SANBR: variants seen among roughly 807,000 people sequenced by gnomAD.
The protein encoded by SANBR is SANT and BTB domain regulator of CSR.
Under a neutral mutation model 101.8 loss-of-function variants are expected in SANBR, and 77 were observed. The ratio of observed to expected loss-of-function variants is 0.76; its 90% CI spans 0.63 to 0.91. SANBR has a LOEUF of 0.91. Among genes scored for constraint, SANBR ranks in the 40% least tolerant of loss-of-function variants. The pLI is 0.00. For synonymous variants in SANBR, 279 were observed against 274.7 expected, an observed-to-expected ratio of 1.02 and a Z score of -0.15; for missense variants, 875 against 853.0, an observed-to-expected ratio of 1.03 and a Z score of -0.32.
At chr2:61,106,493 A>T (rs1179045366) in intron 13 of SANBR, 70 bp from the exon 14 acceptor site, 4 of 1,048,204 alleles carry the variant, frequency 3.8e-6, no homozygotes, top group Non-Finnish European at 5.8e-6. Context: ...CATTTGTAAT[A>T]AAAAGATATT....
rs1682890331 is a variant in SANBR at position 61,093,707 on chromosome 2, C to T, written c.1212+1120C>T. 4.6e-5 allele frequency among the ~76,000 whole-genome samples: 7 copies of T among 152,122 alleles called. No homozygotes were observed. The South Asian group carries it at 1.4e-3, about 31-fold the overall frequency. ...CACTTGTTTCCAGCCAAACTATTTT[C>T]TCTGTTGTTCTATACACTTCTATAG... On this transcript the variant is annotated intron_variant, in intron 11 of 21. Coordinates refer to ENST00000402291, the MANE Select transcript of SANBR (RefSeq NM_001129993.3).
intron 1 of SANBR, among the ~76,000 whole-genome samples, chr2:61,067,613 G>A (rs1170694638): frequency 6.6e-6 from 1 of 152,044 alleles, no homozygotes; most frequent in Non-Finnish European, 1.5e-5. Flanking sequence ...GTGCGTGCCT[G>A]TAGTCCCAGC....
At chr2:61,067,454 C>G (rs1681233567) in intron 1 of SANBR, among the ~76,000 whole-genome samples, 1 of 152,132 alleles carries the variant, frequency 6.6e-6, no homozygotes, top group African/African-American at 2.4e-5. Flanking sequence ...ATAAAACGCC[C>G]TGGCCGGGTG....
At chr2:61,130,286 C>T (rs1014138049) in intron 20 of SANBR, among the ~76,000 whole-genome samples, 3 of 151,948 alleles carry the variant, frequency 2.0e-5, no homozygotes, top group Admixed American at 6.6e-5. Context: ...CAATTGTGTG[C>T]CAATAAATTG....
intron 13 of SANBR, 100 bp from the exon 14 acceptor site, chr2:61,106,463 C>A: frequency 2.0e-4 from 123 of 600,222 alleles, no homozygotes; most frequent in Non-Finnish European, 2.2e-4. Flanking sequence ...AACTGTATTT[C>A]TAAAAAGCGA....
At chr2:61,093,994 T>C (rs1228720467) in intron 11 of SANBR, 23 of 554,844 alleles carry the variant, frequency 4.1e-5, no homozygotes, top group Non-Finnish European at 5.3e-5. Context: ...AGTTTTCCTC[T>C]CCCCAGTAAT....
intron 13 of SANBR, 23 bp from the exon 14 acceptor site, chr2:61,106,540 T>TA: frequency 1.4e-6 from 2 of 1,472,136 alleles, no homozygotes; most frequent in Middle Eastern, 1.7e-4. Flanking sequence ...CTCTTCTCCG[T>TA]AAAAATGTCT....
intron 13 of SANBR, among the ~76,000 whole-genome samples, chr2:61,104,587 C>G (rs188296207): frequency 1.0e-3 from 159 of 152,184 alleles, no homozygotes; most frequent in African/African-American, 3.7e-3. Flanking sequence ...GAGGCCCTCT[C>G]AACCAATTGA....
At chr2:61,082,941 AT>A (rs1274536659) in intron 7 of SANBR, among the ~76,000 whole-genome samples, 4 of 152,184 alleles carry the variant, frequency 2.6e-5, no homozygotes, top group African/African-American at 9.7e-5. Flanking sequence ...GTTGAAAATA[AT>A]TTTTTAGGTA....
At chr2:61,104,442 A>G (rs1683449848) in intron 13 of SANBR, among the ~76,000 whole-genome samples, 1 of 151,582 alleles carries the variant, frequency 6.6e-6, no homozygotes, top group Non-Finnish European at 1.5e-5. Flanking sequence ...AGATCGTGCC[A>G]CTGCACTCCA....
intron 21 of SANBR, 98 bp downstream of exon 21, chr2:61,121,374 T>C: frequency 2.7e-6 from 2 of 749,452 alleles, no homozygotes; most frequent in Non-Finnish European, 2.2e-6. Context: ...TCATTTGAGT[T>C]TGGTTTTATG....
chr2:61,092,531 G>A lies in SANBR; in HGVS notation c.1156G>A (p.Val386Ile), dbSNP rs751190446. 2.5e-6 allele frequency: 4 copies of A among 1,607,068 alleles called. No homozygotes were observed. Among genetic ancestry groups the A allele is most frequent in the African/African-American group, 1.3e-5 (1 of 74,712 alleles). Residue 386 changes from valine (V) to isoleucine (I), a missense_variant, in exon 11 of 22, where the codon GTA becomes ATA. Transcript: ENST00000402291. The stretch of plus-strand genomic sequence containing the variant: ...CGAAGAATTAAAATCTTGGAGAGAT[G>A]TATACTGGCGATTGTGGGGAACAAT... ...LFEELKSWRD[V>I]YWRLWGTINW... is the part of the protein sequence containing the mutation.
intron 5 of SANBR, among the ~76,000 whole-genome samples, chr2:61,076,011 A>G (rs1430838860): frequency 2.0e-5 from 3 of 151,480 alleles, no homozygotes; most frequent in African/African-American, 7.3e-5. Context: ...TTATTTATTT[A>G]GAGACGGAGT....
At position 61,079,984 on chromosome 2, in the gene SANBR, G is replaced by C. The variant is rs1263558593; in HGVS notation, c.671-1468G>C. Among the ~76,000 whole-genome samples the C allele has an allele frequency of 2.0e-5, 3 of 151,230 alleles. No homozygotes were observed. The East Asian group carries it at 5.9e-4, about 30-fold the overall frequency. On this transcript the variant is annotated intron_variant, in intron 6 of 21. Coordinates refer to ENST00000402291, the MANE Select transcript of SANBR (RefSeq NM_001129993.3). Reference sequence around the variant, plus strand: ...AGGCCGAGGCGGACGGATCACCTGAGGTCAGGAGGCAAGACTAGCCTGGCC... The same window carrying C: ...AGGCCGAGGCGGACGGATCACCTGACGTCAGGAGGCAAGACTAGCCTGGCC...
chr2:61,107,194 CAT>C (rs1394638821), intron 14 of SANBR, among the ~76,000 whole-genome samples: 7 of 150,666 alleles, frequency 4.6e-5, no homozygotes, highest in African/African-American at 1.2e-4. Flanking sequence ...AAACCCAAAA[CAT>C]AACATGGTCT....
At chr2:61,106,717 A>T in intron 14 of SANBR, 55 bp downstream of exon 14, 1 of 1,061,680 alleles carries the variant, frequency 9.4e-7, no homozygotes, top group East Asian at 2.5e-5. Context: ...AATGACATTT[A>T]ATCTTTGACA....
intron 13 of SANBR, among the ~76,000 whole-genome samples, chr2:61,104,240 T>G (rs1683431740): frequency 1.3e-5 from 2 of 152,106 alleles, no homozygotes; most frequent in Non-Finnish European, 2.9e-5. Flanking sequence ...CCCAGCACTT[T>G]CGGAGGCCAA....
At chr2:61,107,990 A>G (rs767228991) in intron 14 of SANBR, among the ~76,000 whole-genome samples, 1 of 152,230 alleles carries the variant, frequency 6.6e-6, no homozygotes, top group Non-Finnish European at 1.5e-5. Context: ...CTTAATTTAT[A>G]TTAAAATATA....
chr2:61,116,091 G>GT, intron 17 of SANBR, 21 bp downstream of exon 17: 1 of 1,503,648 alleles, frequency 6.7e-7, no homozygotes, highest in Middle Eastern at 1.7e-4. Flanking sequence ...ATTATCTGTT[G>GT]TTAAAGTTCA....
Sources: gnomAD v4.1 joint callset for allele counts (sites outside exome capture counted in the v4.1 genomes callset) on GRCh38, gnomAD v4.1.1 for gene constraint, MANE v1.5 for transcripts, NCBI Gene and HGNC (gene_info 2026-07-23, HGNC 2026-07-21) for gene names.